The following B4GALT6 variants were observed in gnomAD, a reference collection of about 807,000 sequenced individuals.
B4GALT6 encodes the protein beta-1,4-galactosyltransferase 6, also known as UDP-Gal:beta-GlcNAc beta-1,4-galactosyltransferase 6.
Under a neutral mutation model 46.3 loss-of-function variants are expected in B4GALT6, and 14 were observed. The ratio of observed to expected loss-of-function variants is 0.30; its 90% CI spans 0.20 to 0.47. The LOEUF is 0.47. B4GALT6 is among the 20% of genes least tolerant of loss of function. The pLI, the probability that B4GALT6 is intolerant of heterozygous loss-of-function variation, is 0.99. For missense variants in B4GALT6, 386 were observed against 480.1 expected (o/e 0.80, Z 1.83); for synonymous variants, 168 against 162.0 (o/e 1.04, Z -0.28).
At chr18:31,679,643 T>C (rs563003393) in intron 1 of B4GALT6, among the ~76,000 whole-genome samples, 3 of 152,302 alleles carry the variant, frequency 2.0e-5, no homozygotes, top group East Asian at 3.9e-4. Context: ...ATAAATACCA[T>C]TCACCTACAT....
the B4GALT6 span, among the ~76,000 whole-genome samples, chr18:31,702,731 AGT>A: frequency 6.6e-6 from 1 of 152,204 alleles, no homozygotes; most frequent in African/African-American, 2.4e-5. Flanking sequence ...AGAGAGCCAC[AGT>A]GGTATCTCAG....
At chr18:31,676,457 C>T (rs2074416440) in intron 1 of B4GALT6, among the ~76,000 whole-genome samples, 1 of 152,108 alleles carries the variant, frequency 6.6e-6, no homozygotes, top group African/African-American at 2.4e-5. Flanking sequence ...TACAATGTCT[C>T]TAATAATTAA....
At chr18:31,631,747 G>A (rs917536691) in intron 5 of B4GALT6, among the ~76,000 whole-genome samples, 1 of 152,136 alleles carries the variant, frequency 6.6e-6, no homozygotes, top group Non-Finnish European at 1.5e-5. Context: ...CAATACCAAG[G>A]AGGTCTAACT....
chr18:31,661,507 G>A (rs1235291598), intron 2 of B4GALT6, among the ~76,000 whole-genome samples: 2 of 152,084 alleles, frequency 1.3e-5, no homozygotes, highest in African/African-American at 4.8e-5. Context: ...TGAATGGCAA[G>A]TTCTTCATTA....
At chr18:31,662,103 T>C (rs1452148904) in intron 2 of B4GALT6, among the ~76,000 whole-genome samples, 1 of 152,230 alleles carries the variant, frequency 6.6e-6, no homozygotes, top group Non-Finnish European at 1.5e-5. Context: ...CTACTTTTTA[T>C]TTTAGTGCTA....
At chr18:31,723,166 G>A in the B4GALT6 span, among the ~76,000 whole-genome samples, 2 of 151,950 alleles carry the variant, frequency 1.3e-5, no homozygotes, top group African/African-American at 2.4e-5. Flanking sequence ...TTTTCTTATT[G>A]GCTTCTAATT....
chr18:31,689,119 C>T (rs114987001), upstream of B4GALT6, among the ~76,000 whole-genome samples: 1,297 of 152,150 alleles, frequency 8.5e-3, 19 homozygotes, highest in African/African-American at 0.03. Flanking sequence ...TAAGTCAAAA[C>T]GAGAAAATTA....
Position 31,657,219 on chromosome 18 carries a change from A to AT in B4GALT6, c.346+756dup, listed in dbSNP as rs556398305. On this transcript the variant is annotated intron_variant, in intron 3 of 8. Transcript: ENST00000306851. ...TCTTTATACCAAAATATATATATATATTTTTTTTGCTATTTTGTGATAGCA... is the reference window on the plus strand; with the variant it reads ...TCTTTATACCAAAATATATATATATATTTTTTTTTGCTATTTTGTGATAGCA... 9.0e-3 allele frequency among the ~76,000 whole-genome samples: 1,363 copies of AT among 151,484 alleles called. 23 individuals are homozygous for AT. Among genetic ancestry groups the AT allele is most frequent in the African/African-American group, 0.03 (1,252 of 41,264 alleles).
At chr18:31,693,293 A>G in the B4GALT6 span, among the ~76,000 whole-genome samples, 1 of 152,158 alleles carries the variant, frequency 6.6e-6, no homozygotes, top group African/African-American at 2.4e-5. Flanking sequence ...GCTTGTGTAC[A>G]CCAGTACACA....
At chr18:31,712,596 G>A in the B4GALT6 span, among the ~76,000 whole-genome samples, 3 of 152,156 alleles carry the variant, frequency 2.0e-5, no homozygotes, top group South Asian at 2.1e-4. Flanking sequence ...GATTACAGGC[G>A]TGAGCCACCG....
chr18:31,628,796 T>C (rs1445496170), intron 6 of B4GALT6, among the ~76,000 whole-genome samples: 1 of 152,222 alleles, frequency 6.6e-6, no homozygotes, highest in African/African-American at 2.4e-5. Flanking sequence ...CCAAGATGCC[T>C]AACCAATCCA....
chr18:31,718,956 G>C, the B4GALT6 span: 1 of 152,334 alleles, frequency 6.6e-6, no homozygotes, highest in East Asian at 1.9e-4. Flanking sequence ...TGATTTGGCT[G>C]ACCTGGCTGG....
At chr18:31,719,213 C>T in the B4GALT6 span, 1 of 152,228 alleles carries the variant, frequency 6.6e-6, no homozygotes, top group Non-Finnish European at 1.5e-5. Flanking sequence ...ACCTTGCTGA[C>T]TTCACCATTA....
intron 6 of B4GALT6, 94 bp from the exon 7 acceptor site, chr18:31,627,215 T>C: frequency 2.0e-6 from 2 of 1,019,792 alleles, no homozygotes; most frequent in Non-Finnish European, 2.8e-6. Context: ...TTGCAAAATA[T>C]GCCCTTATAT....
chr18:31,664,450 G>A (rs2144676984), intron 2 of B4GALT6, among the ~76,000 whole-genome samples: 1 of 151,856 alleles, frequency 6.6e-6, no homozygotes, highest in Non-Finnish European at 1.5e-5. Context: ...ATAAAAGTAA[G>A]CAAACTTTAA....
chr18:31,688,331 A>G (rs995224857), upstream of B4GALT6, among the ~76,000 whole-genome samples: 3 of 150,960 alleles, frequency 2.0e-5, no homozygotes, highest in African/African-American at 7.3e-5. Flanking sequence ...AAAAATTTGT[A>G]TTGTGAATAT....
chr18:31,673,947 C>A (rs1346477474), intron 1 of B4GALT6, among the ~76,000 whole-genome samples: 1 of 152,140 alleles, frequency 6.6e-6, no homozygotes, highest in African/African-American at 2.4e-5. Context: ...CAGACACACA[C>A]ACACACACGA....
intron 8 of B4GALT6, 97 bp from the exon 9 acceptor site, chr18:31,625,858 C>T (rs2073689678): frequency 1.1e-6 from 1 of 938,754 alleles, no homozygotes; most frequent in Non-Finnish European, 1.5e-6. Context: ...AATTAAAGCA[C>T]TTAATGCCCT....
At chr18:31,662,483 T>C (rs1289617306) in intron 2 of B4GALT6, among the ~76,000 whole-genome samples, 1 of 152,222 alleles carries the variant, frequency 6.6e-6, no homozygotes, top group Non-Finnish European at 1.5e-5. Flanking sequence ...ATACTATAAA[T>C]AAACACCTCA....
Sources: allele counts gnomAD v4.1 joint callset (sites outside exome capture counted in the v4.1 genomes callset), GRCh38; gene constraint gnomAD v4.1.1; transcripts MANE v1.5; gene names NCBI Gene and HGNC (gene_info 2026-07-23, HGNC 2026-07-21).